OLFM1: variants seen among roughly 807,000 people sequenced by gnomAD.
OLFM1 encodes the protein noelin.
A neutral mutation model predicts 49.7 loss-of-function variants in OLFM1; 9 were observed. That is an observed-to-expected ratio of 0.18 (90% CI 0.11 to 0.32). The LOEUF is 0.32. OLFM1 is among the 10% of genes least tolerant of loss of function. OLFM1 has a pLI of 1.00. For missense variants in OLFM1, 369 were observed against 661.8 expected, an observed-to-expected ratio of 0.56 and a Z score of 4.85; for synonymous variants, 240 against 271.8, an observed-to-expected ratio of 0.88 and a Z score of 1.15.
chr9:135,077,104 G>C, intron 1 of OLFM1: 1 of 1,550,598 alleles, frequency 6.4e-7, no homozygotes, highest in Non-Finnish European at 8.7e-7. Flanking sequence ...GCCTGGTGGA[G>C]GGTGGTGGTT....
intron 4 of OLFM1, among the ~76,000 whole-genome samples, chr9:135,101,377 C>T (rs866398151): frequency 2.4e-4 from 36 of 152,290 alleles, no homozygotes; most frequent in African/African-American, 8.2e-4. Flanking sequence ...GAGAGGCTCT[C>T]CCAAAGTCTT....
intron 5 of OLFM1, among the ~76,000 whole-genome samples, chr9:135,112,812 G>A (rs2382978): frequency 0.21 from 32,274 of 152,116 alleles, 3,553 homozygotes; most frequent in Middle Eastern, 0.29. Context: ...ACATGGGGCC[G>A]CCAAGTGAGA....
chr9:135,118,214 G>A, intron 5 of OLFM1, among the ~76,000 whole-genome samples: 1 of 152,194 alleles, frequency 6.6e-6, no homozygotes, highest in African/African-American at 2.4e-5. Context: ...CCGGGTCTTT[G>A]GAAGTGCTCA....
At chr9:135,077,918 C>A (rs899903844) in intron 1 of OLFM1, among the ~76,000 whole-genome samples, 20 of 152,132 alleles carry the variant, frequency 1.3e-4, no homozygotes, top group Admixed American at 8.5e-4. Flanking sequence ...GAGTGGCTGG[C>A]TCAGCACCAG....
chr9:135,077,016 G>A (rs1325588681), intron 1 of OLFM1: 2 of 1,550,572 alleles, frequency 1.3e-6, no homozygotes, highest in Non-Finnish European at 1.7e-6. Flanking sequence ...TTCTCCTGGT[G>A]CTGCCCAGAC....
At chr9:135,097,717 GCTGT>G in intron 3 of OLFM1, 1 of 1,308,924 alleles carries the variant, frequency 7.6e-7, no homozygotes, top group Non-Finnish European at 1.1e-6. Context: ...TTTCCTGATG[GCTGT>G]CTGTTTCAGG....
At chr9:135,106,680 G>C in intron 4 of OLFM1, 69 bp from the exon 5 acceptor site, 3 of 1,206,602 alleles carry the variant, frequency 2.5e-6, no homozygotes, top group Non-Finnish European at 3.6e-6. Context: ...CTGGGCAGTC[G>C]AGGTCAGGGT....
chr9:135,107,931 A>G (rs1254328085), intron 5 of OLFM1, among the ~76,000 whole-genome samples: 1 of 152,064 alleles, frequency 6.6e-6, no homozygotes, highest in Admixed American at 6.5e-5. Flanking sequence ...TATATTTAAA[A>G]CATGGGCGGT....
At chr9:135,075,567 C>T (rs539862634) in exon 1 of OLFM1, 7 of 489,300 alleles carry the variant, frequency 1.4e-5, no homozygotes, top group Non-Finnish European at 2.4e-5. Context: ...GCAGAGCCCG[C>T]GCGCCGCCCG....
Position 135,117,309 on chromosome 9 carries a change from A to G in OLFM1, c.784-2195A>G, listed in dbSNP as rs1224931617. ...AACCAGAGGCTTCTTCAAAGCCCAT[A>G]TTCTTCTCGGAGAGGCACTTTTGCT... On this transcript the variant is annotated intron_variant, in intron 5 of 5. Coordinates refer to ENST00000371793, the MANE Select transcript of OLFM1 (RefSeq NM_001282611.2). This position sits in a 1 kb window ranked among gnomAD's most constrained non-coding sequence, Gnocchi z 5.5. Among the ~76,000 whole-genome samples, 1 of 152,188 alleles carries G rather than the reference A, an allele frequency of 6.6e-6. No homozygotes were observed. Among genetic ancestry groups the G allele is most frequent in the Non-Finnish European group, 1.5e-5 (1 of 68,044 alleles).
chr9:135,086,788 T>G, upstream of OLFM1: 1 of 448,688 alleles, frequency 2.2e-6, no homozygotes, highest in South Asian at 1.6e-5. Context: ...TTGCCCTGCC[T>G]CTGTGCCTGG....
intron 2 of OLFM1, 114 bp from the exon 3 acceptor site, chr9:135,095,750 C>T (rs1307385398): frequency 8.8e-7 from 1 of 1,137,106 alleles, no homozygotes; most frequent in South Asian, 1.4e-5. Context: ...TGGGCCACTT[C>T]TGGTTCCCAG....
At chr9:135,095,397 T>C (rs1475527209) in intron 2 of OLFM1, among the ~76,000 whole-genome samples, 1 of 151,936 alleles carries the variant, frequency 6.6e-6, no homozygotes, top group African/African-American at 2.4e-5. Flanking sequence ...AGAAGGAGAA[T>C]TTATACCTGG....
Position 135,106,847 on chromosome 9 carries a change from G to A in OLFM1, c.775G>A (p.Asp259Asn), listed in dbSNP as rs780417215. The change falls in exon 5 of 6, where the codon GAT becomes AAT. Residue 259 changes from aspartate to asparagine, a missense_variant. This residue lies in a region of OLFM1 where 294 missense variants were observed against 567.5 expected (regional missense o/e 0.52). Transcript: ENST00000371793. The stretch of plus-strand genomic sequence containing the variant: ...GACAGACCCTCTCGCCCCTGAAGGC[G>A]ATAACCGGGTGAGTGTCCCCTTATG... ...WMTDPLAPEG[D>N]NRVWYMDGYH... The A allele has an allele frequency of 8.1e-6, 13 of 1,608,722 alleles. No individual in the cohort carries two copies. Among genetic ancestry groups the A allele is most frequent in the Middle Eastern group, 1.7e-4 (1 of 6,054 alleles).
Position 135,113,881 on chromosome 9 carries a change from G to A in OLFM1, c.784-5623G>A, listed in dbSNP as rs915608668. 4.6e-5 allele frequency among the ~76,000 whole-genome samples: 7 copies of A among 152,198 alleles called. No homozygotes were observed. The highest frequency in any genetic ancestry group is 7.4e-5 in the Non-Finnish European group (5 of 68,022). On this transcript the variant is annotated intron_variant, in intron 5 of 5. Transcript: ENST00000371793. This position sits in a 1 kb window ranked among gnomAD's most constrained non-coding sequence, Gnocchi z 4.0. The stretch of plus-strand genomic sequence containing the variant: ...CAGGGGCTCACTGTCACCCAGTGCT[G>A]GAGGCTGGAAGCCCCAGACCAGGGC...
chr9:135,118,583 T>C (rs1831133185), intron 5 of OLFM1, among the ~76,000 whole-genome samples: 1 of 143,326 alleles, frequency 7.0e-6, no homozygotes, highest in African/African-American at 2.7e-5. Flanking sequence ...GTCTTTGGAG[T>C]GCTTGCTGGG....
chr9:135,076,123 A>G (rs879907062), intron 1 of OLFM1: 1 of 1,547,730 alleles, frequency 6.5e-7, no homozygotes, highest in Non-Finnish European at 8.7e-7. Context: ...TTTGGCTGCT[A>G]TTGTCATCTG....
upstream of OLFM1, among the ~76,000 whole-genome samples, chr9:135,086,991 C>T (rs1830605819): frequency 6.6e-6 from 1 of 152,272 alleles, no homozygotes; most frequent in African/African-American, 2.4e-5. Context: ...GTGCGCCCTC[C>T]CAGGGCCCTC....
At position 135,088,422 on chromosome 9, in the gene OLFM1, G is replaced by A. The variant is rs1316220622; in HGVS notation, c.150+283G>A. 6.6e-6 allele frequency among the ~76,000 whole-genome samples: 1 copy of A among 152,020 alleles called. No homozygotes were observed. The highest frequency in any genetic ancestry group is 2.4e-5 in the African/African-American group (1 of 41,422). On this transcript the variant is annotated intron_variant, in intron 1 of 5. Coordinates refer to ENST00000371793, the MANE Select transcript of OLFM1 (RefSeq NM_001282611.2). This position sits in a 1 kb window ranked among gnomAD's most constrained non-coding sequence, Gnocchi z 4.8. The stretch of plus-strand genomic sequence containing the variant: ...GCCGCGGGGCCGGGGGAGCTTGGTG[G>A]GTTCTCGGAGGCTTGGAGTCCTGGG...
Sources: gnomAD v4.1 joint callset for allele counts (sites outside exome capture counted in the v4.1 genomes callset) on GRCh38, gnomAD v4.1.1 for gene constraint, gnomAD v4.1.1 regional missense constraint, Gnocchi (gnomAD v3.1) non-coding constraint, MANE v1.5 for transcripts, NCBI Gene and HGNC (gene_info 2026-07-23, HGNC 2026-07-21) for gene names.